HECTD4: variants seen among roughly 807,000 people sequenced by gnomAD.
HECTD4 encodes the protein probable E3 ubiquitin-protein ligase HECTD4.
Under a neutral mutation model 471.5 loss-of-function variants are expected in HECTD4, and 114 were observed. The ratio of observed to expected loss-of-function variants is 0.24; its 90% CI spans 0.21 to 0.28. The LOEUF is 0.28. Among genes scored for constraint, HECTD4 ranks in the 10% least tolerant of loss-of-function variants. The pLI, the probability that HECTD4 is intolerant of heterozygous loss-of-function variation, is 1.00. For missense variants in HECTD4, 3,866 were observed against 5,651.5 expected (o/e 0.68, Z 10.13); for synonymous variants, 2,012 against 2,256.0 (o/e 0.89, Z 3.07).
In HECTD4 at chr12:112,163,099, C is replaced by T. The variant is rs1360688634; in HGVS notation, c.13063G>A (p.Asp4355Asn). The T allele has an allele frequency of 1.2e-5, 20 of 1,613,772 alleles. No individual in the cohort carries two copies. The highest frequency in any genetic ancestry group is 2.2e-5 in the East Asian group (1 of 44,888). Residue 4355 changes from aspartate (D) to asparagine (N), a missense_variant, in exon 75 of 76, where the codon GAC becomes AAC. Around this residue, in one of 16 missense-constraint regions of HECTD4, gnomAD observed 715 missense variants for 1,087.6 expected, o/e 0.66. Transcript: ENST00000682272. The surrounding 1 kb of genome is among the most constrained non-coding windows in gnomAD (Gnocchi z 8.2). The part of the protein sequence containing the change: ...FTCPCKDGGP[D>N]TAHVPPYPMK... Reference sequence around the variant, plus strand: ...GGGTACGGGGGCACATGGGCAGTGTCGGGACCCCCATCTTTGCAGGGGCAG... The same window carrying T: ...GGGTACGGGGGCACATGGGCAGTGTTGGGACCCCCATCTTTGCAGGGGCAG...
chr12:112,227,564 T>C (rs2033273574), intron 43 of HECTD4, among the ~76,000 whole-genome samples: 1 of 152,238 alleles, frequency 6.6e-6, no homozygotes, highest in Non-Finnish European at 1.5e-5. Context: ...CCTGTGTGCA[T>C]GTCCTAGTTT....
At chr12:112,240,345 T>G (rs537373505) in intron 32 of HECTD4, among the ~76,000 whole-genome samples, 2 of 152,328 alleles carry the variant, frequency 1.3e-5, no homozygotes, top group African/African-American at 4.8e-5. Flanking sequence ...GCAGGGGACA[T>G]TCAACATTTT....
chr12:112,324,045 C>CTTTCTTT (rs2035676990), intron 1 of HECTD4, among the ~76,000 whole-genome samples: 2 of 13,914 alleles, frequency 1.4e-4, no homozygotes, highest in Non-Finnish European at 2.8e-4. Flanking sequence ...TTCCTTCCTT[C>CTTTCTTT]CTTTCTTTCT....
chr12:112,260,374 A>G (rs956854247), intron 18 of HECTD4, among the ~76,000 whole-genome samples: 5 of 152,092 alleles, frequency 3.3e-5, no homozygotes, highest in Non-Finnish European at 5.9e-5. Context: ...CTAAGCCTCA[A>G]TGCAATGCCT....
Position 112,184,173 on chromosome 12 carries a change from T to C in HECTD4, c.10779+14A>G. The C allele has an allele frequency of 1.9e-6, 3 of 1,593,518 alleles. No individual in the cohort carries two copies. The highest frequency in any genetic ancestry group is 2.6e-6 in the Non-Finnish European group (3 of 1,167,730). On this transcript the variant is annotated intron_variant, in intron 61 of 75. Coordinates refer to ENST00000682272, the MANE Select transcript of HECTD4 (RefSeq NM_001388303.1). The surrounding 1 kb of genome is among the most constrained non-coding windows in gnomAD (Gnocchi z 9.1). ...GTCATGATTTAGTGGTTGCAGAGGC[T>C]TGAAAGCTGTTACCTCCACGACTGC... is the stretch of plus-strand genomic sequence containing the variant.
At chr12:112,322,559 A>T (rs1444332076) in intron 1 of HECTD4, 1 of 152,592 alleles carries the variant, frequency 6.6e-6, no homozygotes, top group Non-Finnish European at 1.5e-5. Flanking sequence ...GTATGTAATA[A>T]GCATCTAAGA....
rs1158534375 is a variant in HECTD4, at chr12:112,185,296, C to A, written c.9670G>T (p.Asp3224Tyr). ...GAGACCCAGTTCTGCGTCTCCTCGT[C>A]GTACAGCTTGTGGAGCTCCGACTGC... ...ALQSELHKLY[D>Y]EETQNWVSGG... The change falls in exon 61 of 76, where the codon GAC (aspartate) becomes TAC (tyrosine). Residue 3224 changes from aspartate (D) to tyrosine (Y), a missense_variant. Coordinates refer to ENST00000682272, the MANE Select transcript of HECTD4 (RefSeq NM_001388303.1). 1 of 1,559,668 alleles carries A rather than the reference C, an allele frequency of 6.4e-7. No individual in the cohort carries two copies. The highest frequency in any genetic ancestry group is 8.7e-7 in the Non-Finnish European group (1 of 1,151,924).
chr12:112,374,214 A>G (rs1466341579), intron 1 of HECTD4, among the ~76,000 whole-genome samples: 2 of 151,952 alleles, frequency 1.3e-5, no homozygotes, highest in African/African-American at 2.4e-5. Context: ...AGTCCCAGCT[A>G]CTCAGGAGGC....
chr12:112,243,546 AC>A lies in HECTD4; in HGVS notation c.4792-28del. The A allele has an allele frequency of 1.9e-6, 3 of 1,600,312 alleles. No individual in the cohort carries two copies. Among genetic ancestry groups the A allele is most frequent in the Non-Finnish European group, 2.6e-6 (3 of 1,173,072 alleles). On this transcript the variant is annotated intron_variant, in intron 31 of 75. Coordinates refer to ENST00000682272, the MANE Select transcript of HECTD4 (RefSeq NM_001388303.1). The surrounding 1 kb of genome is among the most constrained non-coding windows in gnomAD (Gnocchi z 6.6). ...TGAAACACACAAGGAGGGACACCTGACTCCTGCTAACTGCCGCAAGACCCCG... is the reference window on the plus strand; with the variant it reads ...TGAAACACACAAGGAGGGACACCTGATCCTGCTAACTGCCGCAAGACCCCG...
intron 4 of HECTD4, among the ~76,000 whole-genome samples, chr12:112,310,711 TG>T (rs1301668359): frequency 6.6e-6 from 1 of 152,234 alleles, no homozygotes; most frequent in Non-Finnish European, 1.5e-5. Context: ...TTTGTTAAAG[TG>T]GGTAACCATT....
At chr12:112,232,003 C>T (rs760538392) in intron 38 of HECTD4, among the ~76,000 whole-genome samples, 14 of 152,134 alleles carry the variant, frequency 9.2e-5, no homozygotes, top group Non-Finnish European at 1.9e-4. Flanking sequence ...CAGTGTATCG[C>T]GGAGACTCTT....
chr12:112,259,359 C>T (rs1449222968), intron 18 of HECTD4, 94 bp from the exon 19 acceptor site: 2 of 1,338,718 alleles, frequency 1.5e-6, no homozygotes, highest in Non-Finnish European at 2.1e-6. Flanking sequence ...TTCTCCTAAA[C>T]TGCACCTCCT....
rs117825349 is a variant in HECTD4 at position 112,333,863 on chromosome 12, A to G, written c.178-14121T>C. The stretch of plus-strand genomic sequence containing the variant: ...ATGCAAACATTTATCCTGATTTCTC[A>G]TATGTATTCTACACCTAGGTAAGCA... On this transcript the variant is annotated intron_variant, in intron 1 of 75. Transcript: ENST00000682272. Among the ~76,000 whole-genome samples the G allele has an allele frequency of 2.8e-3, 420 of 152,236 alleles. 10 individuals are homozygous for G. The East Asian group carries it at 0.067, about 24-fold the overall frequency.
chr12:112,369,093 T>C (rs1466434002), intron 1 of HECTD4, among the ~76,000 whole-genome samples: 2 of 152,124 alleles, frequency 1.3e-5, no homozygotes, highest in African/African-American at 4.8e-5. Context: ...CTCCTGCCTA[T>C]ATATAGACAT....
chr12:112,200,891 GTGT>G, intron 54 of HECTD4, 93 bp from the exon 55 acceptor site: 1 of 927,600 alleles, frequency 1.1e-6, no homozygotes, highest in Non-Finnish European at 1.6e-6. Flanking sequence ...GTGCGTGTGT[GTGT>G]GTGTGTGTGT....
At chr12:112,261,495 A>G in intron 17 of HECTD4, 66 bp from the exon 18 acceptor site, 1 of 1,404,878 alleles carries the variant, frequency 7.1e-7, no homozygotes. Context: ...CAATGACAAC[A>G]TGAAATGATG....
chr12:112,185,458 C>T lies in HECTD4; in HGVS notation c.9508G>A (p.Val3170Met), dbSNP rs777971882. Residue 3170 changes from valine (V) to methionine (M), a missense_variant, in exon 61 of 76, where the codon GTG (valine) becomes ATG (methionine). By Grantham distance (21) the Val-to-Met change is conservative. Transcript: ENST00000682272. Reference protein sequence around the residue: ...FLWTTDMAACVKELVFHLLAE... With the variant: ...FLWTTDMAACMKELVFHLLAE... ...AGGAGATGGAAAACAAGCTCCTTCA[C>T]GCAGGCTGCCATGTCCGTGGTCCAC... The T allele has an allele frequency of 1.0e-5, 16 of 1,568,806 alleles. No homozygotes were observed. The highest frequency in any genetic ancestry group is 6.8e-5 in the East Asian group (3 of 44,284).
chr12:112,323,999 TTCCTTCCTTCCTTCC>T lies in HECTD4; in HGVS notation c.178-4272_178-4258del, dbSNP rs2035664289. Among the ~76,000 whole-genome samples the T allele has an allele frequency of 4.7e-5, 2 of 42,914 alleles. 1 individual carries two copies. The highest frequency in any genetic ancestry group is 4.9e-4 in the African/African-American group (2 of 4,096). The allele number at this position is 42,914 out of a possible 152,430, so 28.2% of individuals were successfully genotyped here. On this transcript the variant is annotated intron_variant, in intron 1 of 75. Coordinates refer to ENST00000682272, the MANE Select transcript of HECTD4 (RefSeq NM_001388303.1). ...CTTCCTTCCTTCCTTCCTTCCTTCC[TTCCTTCCTTCCTTCC>T]TTCCTTCCTTCCTTCCTTCCTTCCT...
intron 1 of HECTD4, among the ~76,000 whole-genome samples, chr12:112,341,461 C>A (rs1007018218): frequency 6.6e-5 from 10 of 152,154 alleles, no homozygotes; most frequent in African/African-American, 1.9e-4. Flanking sequence ...TATGGCTGAC[C>A]ACTAAGTCCC....
Sources: gnomAD v4.1 joint callset for allele counts (sites outside exome capture counted in the v4.1 genomes callset) on GRCh38, gnomAD v4.1.1 for gene constraint, gnomAD v4.1.1 regional missense constraint, Gnocchi (gnomAD v3.1) non-coding constraint, MANE v1.5 for transcripts, NCBI Gene and HGNC (gene_info 2026-07-23, HGNC 2026-07-21) for gene names.